The following FAM135B variants were observed in gnomAD, a reference collection of about 807,000 sequenced individuals.
FAM135B encodes protein FAM135B.
FAM135B carries 43 observed loss-of-function variants against 127.7 expected under a neutral mutation model. That is an observed-to-expected ratio of 0.34 (90% CI 0.26 to 0.43). The LOEUF is 0.43. Ranked by LOEUF, FAM135B falls within the 20% of genes least tolerant of loss-of-function variation. FAM135B has a pLI of 1.00. For missense variants in FAM135B, 1,558 were observed against 1,725.6 expected, an observed-to-expected ratio of 0.90 and a Z score of 1.72; for synonymous variants, 670 against 665.1, an observed-to-expected ratio of 1.01 and a Z score of -0.11.
At chr8:138,309,414 C>T (rs182788943) in intron 3 of FAM135B, among the ~76,000 whole-genome samples, 15 of 152,298 alleles carry the variant, frequency 9.8e-5, no homozygotes, top group Non-Finnish European at 1.6e-4. Flanking sequence ...CTTGGAAATA[C>T]GGCAACTTGA....
intron 1 of FAM135B, among the ~76,000 whole-genome samples, chr8:138,387,780 C>T (rs1172497840): frequency 6.6e-6 from 1 of 152,096 alleles, no homozygotes; most frequent in Non-Finnish European, 1.5e-5. Flanking sequence ...GAATCATGAA[C>T]CACTTACTCT....
chr8:138,133,394 C>A (rs1816358901), intron 19 of FAM135B, among the ~76,000 whole-genome samples: 1 of 152,188 alleles, frequency 6.6e-6, no homozygotes, highest in Non-Finnish European at 1.5e-5. Flanking sequence ...GGTCTTGGAG[C>A]CATGCAGTGC....
chr8:138,333,145 C>T (rs530075146), intron 2 of FAM135B, among the ~76,000 whole-genome samples: 1 of 152,306 alleles, frequency 6.6e-6, no homozygotes, highest in East Asian at 1.9e-4. Flanking sequence ...CAGTCAGGAA[C>T]CTTCTGTGCT....
At chr8:138,398,253 G>A (rs1832957200) in intron 1 of FAM135B, among the ~76,000 whole-genome samples, 1 of 152,154 alleles carries the variant, frequency 6.6e-6, no homozygotes, top group Non-Finnish European at 1.5e-5. Flanking sequence ...ACCCCCAGAG[G>A]GGCTCATTCA....
rs534067905 is a variant in FAM135B at position 138,468,038 on chromosome 8, A to G, written c.-20+28633T>C. 3.3e-5 allele frequency among the ~76,000 whole-genome samples: 5 copies of G among 152,300 alleles called. No individual in the cohort carries two copies. The South Asian group carries it at 1.0e-3, about 32-fold the overall frequency. ...CATATTTTATGCAAAATAGGCATTC[A>G]TGCGCTGATAAAGAAAATATGACAA... On this transcript the variant is annotated intron_variant, in intron 1 of 19. Transcript: ENST00000395297.
intron 1 of FAM135B, among the ~76,000 whole-genome samples, chr8:138,456,037 G>T (rs1438259784): frequency 6.6e-6 from 1 of 152,160 alleles, no homozygotes; most frequent in Admixed American, 6.5e-5. Context: ...GTGTACGTGA[G>T]GACCAAATGT....
intron 2 of FAM135B, among the ~76,000 whole-genome samples, chr8:138,316,949 T>C (rs1478639252): frequency 1.6e-4 from 24 of 149,500 alleles, no homozygotes; most frequent in Admixed American, 1.1e-3. Flanking sequence ...CACTGCACTC[T>C]AGCCTGGGGG....
intron 1 of FAM135B, chr8:138,439,272 C>A (rs777274639): frequency 3.3e-5 from 5 of 152,144 alleles, no homozygotes; most frequent in Non-Finnish European, 5.9e-5. Context: ...TTCATAATGG[C>A]CCTGTGTGGT....
intron 7 of FAM135B, among the ~76,000 whole-genome samples, chr8:138,206,784 C>T (rs1817704288): frequency 1.3e-5 from 2 of 150,042 alleles, no homozygotes; most frequent in African/African-American, 4.9e-5. Flanking sequence ...ATCCCCTCCA[C>T]CTACACACAA....
intron 1 of FAM135B, among the ~76,000 whole-genome samples, chr8:138,407,447 C>G (rs1361380452): frequency 6.6e-6 from 1 of 152,168 alleles, no homozygotes; most frequent in Non-Finnish European, 1.5e-5. Flanking sequence ...CCCACATCGC[C>G]AAGTCAATCC....
At chr8:138,426,050 CAT>C (rs1161617808) in intron 1 of FAM135B, among the ~76,000 whole-genome samples, 10 of 36,314 alleles carry the variant, frequency 2.8e-4, no homozygotes, top group South Asian at 4.6e-4. Context: ...CACACACACA[CAT>C]ATATATATAC....
Position 138,442,237 on chromosome 8 carries a change from CATATATATATATATATATATATAT to C in FAM135B, c.-20+54410_-20+54433del, listed in dbSNP as rs759993575. On this transcript the variant is annotated intron_variant, in intron 1 of 19. Coordinates refer to ENST00000395297, the MANE Select transcript of FAM135B (RefSeq NM_015912.4). Reference sequence around the variant, plus strand: ...AATTTAACGTGAAGAATATGGACACCATATATATATATATATATATATATATATATATATATATATGAAAAACCT... The same window carrying C: ...AATTTAACGTGAAGAATATGGACACCATATATATATATATATGAAAAACCT... Among the ~76,000 whole-genome samples, 41 of 51,914 alleles carry C rather than the reference CATATATATATATATATATATATAT, an allele frequency of 7.9e-4. 2 individuals are homozygous for C. Among genetic ancestry groups the C allele is most frequent in the Admixed American group, 3.5e-3 (11 of 3,174 alleles). The allele number at this position is 51,914 out of a possible 152,430, so 34.1% of individuals were successfully genotyped here.
rs1816086129 is a variant in FAM135B, at chr8:138,130,193, T to C, written c.*2400A>G. On this transcript the variant is annotated 3_prime_UTR_variant, in exon 20 of 20. Coordinates refer to ENST00000395297, the MANE Select transcript of FAM135B (RefSeq NM_015912.4). ...AATAGAATGTCCCTGTTTTACATAA[T>C]ATATATTTATATATATTTTATGTAT... The C allele has an allele frequency of 6.7e-6, 1 of 149,286 alleles. No individual in the cohort carries two copies. Among genetic ancestry groups the C allele is most frequent in the Non-Finnish European group, 1.5e-5 (1 of 67,458 alleles). The allele number at this position is 149,286 out of a possible 1,614,324, so 9.2% of individuals were successfully genotyped here.
rs1816084563 is a variant in FAM135B, at chr8:138,130,183, T to C, written c.*2410A>G. ...TACAATCAATAATAGAATGTCCCTG[T>C]TTTACATAATATATATTTATATATA... is the stretch of plus-strand genomic sequence containing the variant. On this transcript the variant is annotated 3_prime_UTR_variant, in exon 20 of 20. Coordinates refer to ENST00000395297, the MANE Select transcript of FAM135B (RefSeq NM_015912.4). 6.7e-6 allele frequency: 1 copy of C among 150,122 alleles called. No individual in the cohort carries two copies. Among genetic ancestry groups the C allele is most frequent in the Non-Finnish European group, 1.5e-5 (1 of 67,652 alleles). The allele number at this position is 150,122 out of a possible 1,614,324, so 9.3% of individuals were successfully genotyped here. A position where few individuals can be genotyped will look rare whatever the true frequency, so the allele number is the denominator to read the frequency against.
intron 1 of FAM135B, among the ~76,000 whole-genome samples, chr8:138,432,232 G>A (rs371904316): frequency 6.6e-5 from 10 of 152,152 alleles, no homozygotes; most frequent in Non-Finnish European, 1.5e-5. Context: ...TTTATAAAAC[G>A]TGTTCAGAGA....
chr8:138,255,342 T>C (rs1396379617), intron 5 of FAM135B, among the ~76,000 whole-genome samples: 1 of 152,130 alleles, frequency 6.6e-6, no homozygotes, highest in African/African-American at 2.4e-5. Context: ...AATTTGCAGA[T>C]AGTGGTCAGT....
chr8:138,203,796 T>C (rs1817343671), intron 7 of FAM135B, among the ~76,000 whole-genome samples: 1 of 152,164 alleles, frequency 6.6e-6, no homozygotes, highest in African/African-American at 2.4e-5. Flanking sequence ...TAATATACGA[T>C]TCACCATAAT....
intron 1 of FAM135B, among the ~76,000 whole-genome samples, chr8:138,380,577 C>G (rs1437629448): frequency 6.6e-6 from 1 of 152,108 alleles, no homozygotes; most frequent in African/African-American, 2.4e-5. Context: ...GCTCCTTACA[C>G]AGATACGACA....
intron 1 of FAM135B, among the ~76,000 whole-genome samples, chr8:138,432,231 C>T (rs536270928): frequency 2.0e-5 from 3 of 152,240 alleles, no homozygotes; most frequent in Admixed American, 6.5e-5. Context: ...CTTTATAAAA[C>T]GTGTTCAGAG....
Sources: allele counts gnomAD v4.1 joint callset (sites outside exome capture counted in the v4.1 genomes callset), GRCh38; gene constraint gnomAD v4.1.1; transcripts MANE v1.5; gene names NCBI Gene and HGNC (gene_info 2026-07-23, HGNC 2026-07-21).